The following BARX2 variants were observed in gnomAD, a reference collection of about 807,000 sequenced individuals.
BARX2 encodes BARX homeobox 2.
In BARX2, 11 loss-of-function variants were observed where a neutral mutation model predicts 25.5. That is an observed-to-expected ratio of 0.43 (90% CI 0.27 to 0.71). The LOEUF (loss-of-function observed/expected upper bound fraction) is 0.71. BARX2 is among the 30% of genes least tolerant of loss of function. The pLI, the probability that BARX2 is intolerant of heterozygous loss-of-function variation, is 0.19. For synonymous variants in BARX2, 137 were observed against 149.5 expected (o/e 0.92, Z 0.61); for missense variants, 360 against 359.9 (o/e 1.00, Z 0.00).
At chr11:129,392,073 G>T (rs1345910514) in intron 1 of BARX2, among the ~76,000 whole-genome samples, 1 of 152,180 alleles carries the variant, frequency 6.6e-6, no homozygotes, top group African/African-American at 2.4e-5. Context: ...CACTCTGCTG[G>T]GGAAGTGCAG....
chr11:129,428,558 G>A (rs781234878), intron 1 of BARX2, among the ~76,000 whole-genome samples: 5 of 152,202 alleles, frequency 3.3e-5, no homozygotes, highest in Non-Finnish European at 7.3e-5. Flanking sequence ...ATGCTACTTT[G>A]TTGGAAATCA....
chr11:129,431,479 C>T (rs995586657), intron 1 of BARX2, among the ~76,000 whole-genome samples: 1 of 152,182 alleles, frequency 6.6e-6, no homozygotes, highest in Non-Finnish European at 1.5e-5. Context: ...TCATTAAAAA[C>T]GTCAACTGTT....
At chr11:129,377,902 A>G (rs989299089) in intron 1 of BARX2, among the ~76,000 whole-genome samples, 1 of 152,238 alleles carries the variant, frequency 6.6e-6, no homozygotes, top group Non-Finnish European at 1.5e-5. Context: ...TGGATCATAG[A>G]AGAAAACGTG....
chr11:129,395,332 G>A (rs1230998755), intron 1 of BARX2, among the ~76,000 whole-genome samples: 7 of 152,102 alleles, frequency 4.6e-5, no homozygotes, highest in Admixed American at 2.0e-4. Flanking sequence ...AGTGATGTTC[G>A]AGGACCAGCA....
In BARX2 at chr11:129,414,238, G is replaced by A. The variant is rs112200853; in HGVS notation, c.188-22513G>A. The stretch of plus-strand genomic sequence containing the variant: ...GCAAATTGTGATTTTTTTCTGACAC[G>A]GTTTAAGTTCTGTCTACATTAGTTC... On this transcript the variant is annotated intron_variant, in intron 1 of 3. Coordinates refer to ENST00000281437, the MANE Select transcript of BARX2 (RefSeq NM_003658.5). 7.7e-3 allele frequency among the ~76,000 whole-genome samples: 1,176 copies of A among 151,972 alleles called. 15 individuals are homozygous for A. Among genetic ancestry groups the A allele is most frequent in the African/African-American group, 0.026 (1,093 of 41,458 alleles).
intron 3 of BARX2, among the ~76,000 whole-genome samples, chr11:129,444,888 C>A (rs1862305954): frequency 6.6e-6 from 1 of 152,018 alleles, no homozygotes; most frequent in Non-Finnish European, 1.5e-5. Flanking sequence ...GTAATCCCAG[C>A]GACTTGGGAG....
At chr11:129,379,964 G>T (rs1861544169) in intron 1 of BARX2, among the ~76,000 whole-genome samples, 1 of 151,908 alleles carries the variant, frequency 6.6e-6, no homozygotes, top group Middle Eastern at 3.2e-3. Context: ...GAATGGGTCT[G>T]TTGAATCTCT....
At chr11:129,416,284 T>G (rs1861942147) in intron 1 of BARX2, among the ~76,000 whole-genome samples, 1 of 152,084 alleles carries the variant, frequency 6.6e-6, no homozygotes, top group African/African-American at 2.4e-5. Flanking sequence ...CAGTGGTTGT[T>G]GAGGAGTGAG....
At chr11:129,424,651 T>G (rs1350476419) in intron 1 of BARX2, among the ~76,000 whole-genome samples, 1 of 152,192 alleles carries the variant, frequency 6.6e-6, no homozygotes, top group Non-Finnish European at 1.5e-5. Context: ...TTTAAATAAT[T>G]AGTTTTTTTG....
At chr11:129,421,763 G>A (rs968910134) in intron 1 of BARX2, among the ~76,000 whole-genome samples, 10 of 152,066 alleles carry the variant, frequency 6.6e-5, no homozygotes, top group Admixed American at 4.6e-4. Context: ...CTTACTCTGT[G>A]GAACCAATTC....
chr11:129,437,141 G>C, intron 2 of BARX2, 90 bp downstream of exon 2: 1 of 1,344,274 alleles, frequency 7.4e-7, no homozygotes, highest in South Asian at 1.6e-5. Context: ...CACAGCACTG[G>C]TACAGTGAGG....
Position 129,436,776 on chromosome 11 carries a change from G to A in BARX2, c.213G>A (p.Pro71=), listed in dbSNP as rs766390092. Residue 71 remains proline (P), a synonymous_variant, in exon 2 of 4, where the codon CCG becomes CCA. Coordinates refer to ENST00000281437, the MANE Select transcript of BARX2 (RefSeq NM_003658.5). This position sits in a 1 kb window ranked among gnomAD's most constrained non-coding sequence, Gnocchi z 4.5. ...CTGSPSLRAY[P]LLSVITRQPT... is the part of the protein sequence containing the mutation. ...GCTCCCCTTCCCTGCGGGCATATCCGCTCCTCTCGGTGATCACCCGCCAGC... is the reference window on the plus strand; with the variant it reads ...GCTCCCCTTCCCTGCGGGCATATCCACTCCTCTCGGTGATCACCCGCCAGC... The A allele has an allele frequency of 9.4e-6, 15 of 1,601,860 alleles. No individual in the cohort carries two copies. Among genetic ancestry groups the A allele is most frequent in the East Asian group, 4.5e-5 (2 of 44,648 alleles).
chr11:129,415,102 C>T (rs1360113732), intron 1 of BARX2, among the ~76,000 whole-genome samples: 1 of 152,018 alleles, frequency 6.6e-6, no homozygotes, highest in Non-Finnish European at 1.5e-5. Context: ...CCTCTCCTTT[C>T]CCCCCATTAT....
At chr11:129,381,482 A>C (rs1861563575) in intron 1 of BARX2, among the ~76,000 whole-genome samples, 1 of 152,154 alleles carries the variant, frequency 6.6e-6, no homozygotes, top group Non-Finnish European at 1.5e-5. Flanking sequence ...TTTGCTTACT[A>C]TGTGGAATTT....
At chr11:129,416,894 T>TTTTA (rs1425595548) in intron 1 of BARX2, among the ~76,000 whole-genome samples, 23 of 150,868 alleles carry the variant, frequency 1.5e-4, no homozygotes, top group Admixed American at 2.0e-4. Context: ...TTTTTTTAAT[T>TTTTA]TTTATTTATT....
intron 3 of BARX2, among the ~76,000 whole-genome samples, chr11:129,448,410 C>T (rs765798061): frequency 3.3e-5 from 5 of 152,162 alleles, no homozygotes; most frequent in Non-Finnish European, 7.3e-5. Flanking sequence ...ATTTAAAGAA[C>T]ACTTACAACT....
At position 129,376,943 on chromosome 11, in the gene BARX2, T is replaced by C. The variant is rs573978895; in HGVS notation, c.187+721T>C. On this transcript the variant is annotated intron_variant, in intron 1 of 3. Coordinates refer to ENST00000281437, the MANE Select transcript of BARX2 (RefSeq NM_003658.5). This position sits in a 1 kb window ranked among gnomAD's most constrained non-coding sequence, Gnocchi z 4.2. The stretch of plus-strand genomic sequence containing the variant: ...AGATAAAGAGAACTTAATACATATA[T>C]TGAAAACGTAGTAGAGTTTCTATCG... Among the ~76,000 whole-genome samples the C allele has an allele frequency of 6.6e-6, 1 of 152,368 alleles. No homozygotes were observed. Among genetic ancestry groups the C allele is most frequent in the Admixed American group, 6.5e-5 (1 of 15,312 alleles).
At chr11:129,444,565 T>C (rs2135416124) in intron 3 of BARX2, among the ~76,000 whole-genome samples, 1 of 152,296 alleles carries the variant, frequency 6.6e-6, no homozygotes, top group Middle Eastern at 3.4e-3. Context: ...CTTGCCTTCA[T>C]GGAATTTATG....
intron 1 of BARX2, among the ~76,000 whole-genome samples, chr11:129,427,851 T>G (rs1207831801): frequency 6.6e-6 from 1 of 152,180 alleles, no homozygotes; most frequent in East Asian, 1.9e-4. Context: ...CATGTTCACA[T>G]GCACGAGTTC....
Sources: allele counts gnomAD v4.1 joint callset (sites outside exome capture counted in the v4.1 genomes callset), GRCh38; gene constraint gnomAD v4.1.1; non-coding constraint Gnocchi (gnomAD v3.1); transcripts MANE v1.5; gene names NCBI Gene and HGNC (gene_info 2026-07-23, HGNC 2026-07-21).